The following NUP98 variants were observed in gnomAD, a reference collection of about 807,000 sequenced individuals.
The protein encoded by NUP98 is nuclear pore complex protein Nup98-Nup96.
In NUP98, 26 loss-of-function variants were observed where a neutral mutation model predicts 191.9. That is an observed-to-expected ratio of 0.14 (90% confidence interval 0.10 to 0.19). The LOEUF (loss-of-function observed/expected upper bound fraction) is 0.19, where lower values mean the gene tolerates loss of function less well. NUP98 is among the 10% of genes least tolerant of loss of function. The probability of loss-of-function intolerance (pLI) is 1.00; values close to 1 mark genes in which losing one functional copy is unlikely to be tolerated. For synonymous variants in NUP98, 808 were observed against 778.4 expected (o/e 1.04, Z -0.63); for missense variants, 1,941 against 2,178.8 (o/e 0.89, Z 2.17).
At chr11:3,763,120 C>A in intron 8 of NUP98, 81 bp from the exon 9 acceptor site, 2 of 1,370,236 alleles carry the variant, frequency 1.5e-6, no homozygotes, top group South Asian at 1.4e-5. Flanking sequence ...AAAAAAGTTA[C>A]CATTTTTTCA....
At position 3,705,305 on chromosome 11, in the gene NUP98, C is replaced by T. The variant is rs1429964448; in HGVS notation, c.2977G>A (p.Asp993Asn). ...TDEEDVDMAL[D>N]QRFSRLPSKA... Reference sequence around the variant, plus strand: ...GAAGGCAGGCGACTGAAGCGTTGATCCAGTGCCATATCTACATCTTCTTCA... The same window carrying T: ...GAAGGCAGGCGACTGAAGCGTTGATTCAGTGCCATATCTACATCTTCTTCA... The change falls in exon 22 of 33, where the codon GAT becomes AAT. Residue 993 changes from aspartate to asparagine, a missense_variant. Coordinates refer to ENST00000324932, the MANE Select transcript of NUP98 (RefSeq NM_016320.5). 1.2e-6 allele frequency: 2 copies of T among 1,614,034 alleles called. No homozygotes were observed. The highest frequency in any genetic ancestry group is 1.7e-6 in the Non-Finnish European group (2 of 1,179,892).
chr11:3,770,965 C>T (rs906269362), intron 7 of NUP98, among the ~76,000 whole-genome samples: 3 of 152,082 alleles, frequency 2.0e-5, no homozygotes, highest in African/African-American at 7.2e-5. Context: ...CAGGTTCAAG[C>T]GATTCTCCTG....
chr11:3,754,476 T>C (rs2080886955), intron 10 of NUP98, among the ~76,000 whole-genome samples: 1 of 152,120 alleles, frequency 6.6e-6, no homozygotes, highest in Non-Finnish European at 1.5e-5. Flanking sequence ...ACACTTTAAC[T>C]GAACCTAAAG....
chr11:3,701,746 C>T (rs1320582735), intron 23 of NUP98, among the ~76,000 whole-genome samples: 3 of 150,454 alleles, frequency 2.0e-5, no homozygotes, highest in Non-Finnish European at 1.5e-5. Flanking sequence ...AGTGCAATGG[C>T]GCGATCTCAG....
At chr11:3,772,768 C>A (rs967928866) in intron 6 of NUP98, among the ~76,000 whole-genome samples, 10 of 150,530 alleles carry the variant, frequency 6.6e-5, no homozygotes, top group East Asian at 3.9e-4. Flanking sequence ...GAGCTGAGAT[C>A]ACGCCACTGC....
Position 3,686,148 on chromosome 11 carries a change from C to A in NUP98, c.4501G>T (p.Asp1501Tyr). Residue 1501 changes from aspartate (D) to tyrosine (Y), a missense_variant, in exon 29 of 33, where the codon GAT becomes TAT. By Grantham distance (160) the Asp-to-Tyr change is radical (BLOSUM62 -3). Transcript: ENST00000324932. ...CAGCTTAGGCGGTAGTCCAAAGGAT[C>A]TGCTGTTATGCTTCGAGGCTCCAGC... ...QLLEPRSITA[D>Y]PLDYRLSWHL... 1 of 1,614,248 alleles carries A rather than the reference C, an allele frequency of 6.2e-7. No homozygotes were observed. Among genetic ancestry groups the A allele is most frequent in the African/African-American group, 1.3e-5 (1 of 75,062 alleles).
In NUP98 at chr11:3,676,337, A is replaced by G. The variant is rs759772567; in HGVS notation, c.5225T>C (p.Leu1742Pro). 1.9e-6 allele frequency: 3 copies of G among 1,613,980 alleles called. No homozygotes were observed. The highest frequency in any genetic ancestry group is 2.5e-6 in the Non-Finnish European group (3 of 1,179,958). The change falls in exon 33 of 33, where the codon CTG becomes CCG. Residue 1742 changes from leucine to proline, a missense_variant. Leu to Pro is a moderately conservative substitution (Grantham distance 98). Coordinates refer to ENST00000324932, the MANE Select transcript of NUP98 (RefSeq NM_016320.5). ...KRVANLLRVV[L>P]SLHHPPDRTS... ...TCTATCAGGAGGATGATGCAGACTC[A>G]GCACCACGCGCAGCAGGTTGGCTAC...
chr11:3,750,624 T>G lies in NUP98; in HGVS notation c.1267+2692A>C, dbSNP rs181339384. 4.8e-3 allele frequency among the ~76,000 whole-genome samples: 618 copies of G among 129,568 alleles called. 2 individuals carry two copies. Among genetic ancestry groups the G allele is most frequent in the African/African-American group, 0.016 (580 of 35,508 alleles). The allele number at this position is 129,568 out of a possible 152,430, so 85.0% of individuals were successfully genotyped here. A position where few individuals can be genotyped will look rare whatever the true frequency, so the allele number is the denominator to read the frequency against. ...GATACTAACCTTAACATTTTAAATG[T>G]TTTTTTTTTGTTTTTTGTTTTAGGA... is the stretch of plus-strand genomic sequence containing the variant. On this transcript the variant is annotated intron_variant, in intron 11 of 32. Coordinates refer to ENST00000324932, the MANE Select transcript of NUP98 (RefSeq NM_016320.5).
intron 28 of NUP98, among the ~76,000 whole-genome samples, chr11:3,689,180 C>G (rs1320412305): frequency 6.6e-6 from 1 of 152,066 alleles, no homozygotes; most frequent in African/African-American, 2.4e-5. Context: ...CTGCAATGAG[C>G]CATGATCATT....
Position 3,730,097 on chromosome 11 carries a change from TGGTGGCACGTGCCTGTAG to T in NUP98, c.1730+1276_1730+1293del, listed in dbSNP as rs1463808142. On this transcript the variant is annotated intron_variant, in intron 14 of 32. Coordinates refer to ENST00000324932, the MANE Select transcript of NUP98 (RefSeq NM_016320.5). Reference sequence around the variant, plus strand: ...TCTCTACACAAAAATTAGCCAGGCATGGTGGCACGTGCCTGTAGTCCCAGCTACTTGGGAAGCTGAGGA... The same window carrying T: ...TCTCTACACAAAAATTAGCCAGGCATTCCCAGCTACTTGGGAAGCTGAGGA... 2.0e-5 allele frequency among the ~76,000 whole-genome samples: 3 copies of T among 152,014 alleles called. No individual in the cohort carries two copies. The East Asian group carries it at 5.8e-4, about 30-fold the overall frequency.
chr11:3,771,434 C>T (rs1000168741), intron 7 of NUP98, among the ~76,000 whole-genome samples: 2 of 152,128 alleles, frequency 1.3e-5, no homozygotes, highest in Non-Finnish European at 1.5e-5. Flanking sequence ...ATGGCAAAAA[C>T]TCAGAGTTTT....
In NUP98 at chr11:3,751,427, T is replaced by A. The variant is rs146498949; in HGVS notation, c.1267+1889A>T. 2.2e-4 allele frequency among the ~76,000 whole-genome samples: 34 copies of A among 152,306 alleles called. No homozygotes were observed. The East Asian group carries it at 3.3e-3, about 15-fold the overall frequency. On this transcript the variant is annotated intron_variant, in intron 11 of 32. Coordinates refer to ENST00000324932, the MANE Select transcript of NUP98 (RefSeq NM_016320.5). ...ACATGTATGTACAGACGTGTGTGTG[T>A]GTAAACATGTCCGAAAAATGCACAG...
At chr11:3,753,489 G>T in intron 10 of NUP98, 81 bp from the exon 11 acceptor site, 1 of 1,065,714 alleles carries the variant, frequency 9.4e-7, no homozygotes, top group Non-Finnish European at 1.4e-6. Flanking sequence ...ACACAAAGCA[G>T]TCTGACTTTA....
intron 8 of NUP98, 32 bp from the exon 9 acceptor site, chr11:3,763,071 T>G: frequency 6.2e-7 from 1 of 1,600,964 alleles, no homozygotes; most frequent in African/African-American, 1.3e-5. Context: ...TTAAAAGATA[T>G]CCTGTAATAG....
intron 14 of NUP98, among the ~76,000 whole-genome samples, chr11:3,727,748 G>A (rs2079676953): frequency 6.6e-6 from 1 of 151,944 alleles, no homozygotes; most frequent in African/African-American, 2.4e-5. Flanking sequence ...TATCAGCCAG[G>A]GACAATGGCG....
At chr11:3,789,967 T>A (rs1298017645) in intron 1 of NUP98, among the ~76,000 whole-genome samples, 1 of 152,070 alleles carries the variant, frequency 6.6e-6, no homozygotes, top group Non-Finnish European at 1.5e-5. Context: ...TGTATTTTAG[T>A]AGACATGGGG....
At chr11:3,779,468 C>G (rs2081873907) in intron 2 of NUP98, among the ~76,000 whole-genome samples, 1 of 151,590 alleles carries the variant, frequency 6.6e-6, no homozygotes, top group Admixed American at 6.6e-5. Flanking sequence ...ATGGAGAAAC[C>G]CCGTTTCTAC....
rs1367039345 is a variant in NUP98, at chr11:3,679,122, C to T, written c.5073+432G>A. ...TGGATGACAGAGCAAGACTCTGTTC[C>T]AAAAAAAAAAAAAAAAAAAAAACTG... On this transcript the variant is annotated intron_variant, in intron 31 of 32. Coordinates refer to ENST00000324932, the MANE Select transcript of NUP98 (RefSeq NM_016320.5). Among the ~76,000 whole-genome samples, 6 of 97,314 alleles carry T rather than the reference C, an allele frequency of 6.2e-5. No individual in the cohort carries two copies. The South Asian group carries it at 2.2e-3, about 35-fold the overall frequency. The allele number at this position is 97,314 out of a possible 152,430, so 63.8% of individuals were successfully genotyped here.
chr11:3,727,873 AT>A (rs2079682414), intron 14 of NUP98, among the ~76,000 whole-genome samples: 1 of 152,104 alleles, frequency 6.6e-6, no homozygotes, highest in Admixed American at 6.6e-5. Context: ...AATAAAAAAA[AT>A]TAGCCAGGTG....
Sources: gnomAD v4.1 joint callset for allele counts (sites outside exome capture counted in the v4.1 genomes callset) on GRCh38, gnomAD v4.1.1 for gene constraint, MANE v1.5 for transcripts, NCBI Gene and HGNC (gene_info 2026-07-23, HGNC 2026-07-21) for gene names.